KCNH8: variants seen among roughly 807,000 people sequenced by gnomAD.
KCNH8 encodes voltage-gated delayed rectifier potassium channel KCNH8.
A neutral mutation model predicts 103.6 loss-of-function variants in KCNH8; 70 were observed. That is an observed-to-expected ratio of 0.68 (90% confidence interval 0.56 to 0.82). KCNH8 has a LOEUF of 0.82. Ranked by LOEUF, KCNH8 falls within the 40% of genes least tolerant of loss-of-function variation. The pLI, the probability that KCNH8 is intolerant of heterozygous loss-of-function variation, is 0.00. For synonymous variants in KCNH8, 498 were observed against 489.4 expected, an observed-to-expected ratio of 1.02 and a Z score of -0.23; for missense variants, 1,217 against 1,329.9, an observed-to-expected ratio of 0.92 and a Z score of 1.32.
Position 19,253,791 on chromosome 3 carries a change from G to GCA in KCNH8, c.214_215insCA (p.Gly72AlafsTer9). The stretch of plus-strand genomic sequence containing the variant: ...GAGTTGTAGCTGCAAGTTCTTATTT[G>GCA]GGGTTGAAACCAATGAGCAACTGAT... On this transcript the variant is annotated frameshift_variant, in exon 2 of 16. Transcript: ENST00000328405. LOFTEE classifies it high-confidence loss of function. 1 of 1,613,778 alleles carries GCA rather than the reference G, an allele frequency of 6.2e-7. No homozygotes were observed. Among genetic ancestry groups the GCA allele is most frequent in the Non-Finnish European group, 8.5e-7 (1 of 1,179,880 alleles).
rs185473521 is a variant in KCNH8 at position 19,520,117 on chromosome 3, A to T, written c.2619+2043A>T. Reference sequence around the variant, plus strand: ...AATTATACTTTAAGTTCTGTGGTACATGTGCAGAATGTGCAGGTTTGTTAC... The same window carrying T: ...AATTATACTTTAAGTTCTGTGGTACTTGTGCAGAATGTGCAGGTTTGTTAC... On this transcript the variant is annotated intron_variant, in intron 15 of 15. Transcript: ENST00000328405. Among the ~76,000 whole-genome samples, 533 of 151,534 alleles carry T rather than the reference A, an allele frequency of 3.5e-3. 6 individuals carry two copies. Among genetic ancestry groups the T allele is most frequent in the African/African-American group, 0.012 (483 of 41,346 alleles).
intron 3 of KCNH8, among the ~76,000 whole-genome samples, chr3:19,338,359 A>T (rs945683875): frequency 6.6e-6 from 1 of 152,014 alleles, no homozygotes; most frequent in Non-Finnish European, 1.5e-5. Context: ...TTCAGATTTT[A>T]GCCCTCGGTC....
intron 5 of KCNH8, among the ~76,000 whole-genome samples, chr3:19,383,719 A>G (rs1041243559): frequency 6.6e-6 from 1 of 152,156 alleles, no homozygotes; most frequent in Non-Finnish European, 1.5e-5. Context: ...ATTAATATTT[A>G]CTTCAAATGA....
Position 19,166,528 on chromosome 3 carries a change from CCAAACTT to C in KCNH8, c.76+17738_76+17744del, listed in dbSNP as rs377697618. 5.0e-3 allele frequency among the ~76,000 whole-genome samples: 755 copies of C among 152,170 alleles called. 5 individuals are homozygous for C. Among genetic ancestry groups the C allele is most frequent in the African/African-American group, 0.016 (668 of 41,506 alleles). On this transcript the variant is annotated intron_variant, in intron 1 of 15. Coordinates refer to ENST00000328405, the MANE Select transcript of KCNH8 (RefSeq NM_144633.3). Reference sequence around the variant, plus strand: ...CCCAGCATTGTTCGTAGTACATAGTCCAAACTTCAAATATGTGTTGGATGATTGAATT... The same window carrying C: ...CCCAGCATTGTTCGTAGTACATAGTCCAAATATGTGTTGGATGATTGAATT...
In KCNH8 at chr3:19,164,159, C is replaced by T. The variant is rs557552983; in HGVS notation, c.76+15364C>T. 9.4e-4 allele frequency among the ~76,000 whole-genome samples: 143 copies of T among 152,246 alleles called. 1 individual carries two copies. Among genetic ancestry groups the T allele is most frequent in the South Asian group, 7.0e-3 (34 of 4,826 alleles). On this transcript the variant is annotated intron_variant, in intron 1 of 15. Transcript: ENST00000328405. ...TAGAAACATTGACATGCAGATGACACGTGTCTCTTTTGACCTGTCATTGCT... is the reference window on the plus strand; with the variant it reads ...TAGAAACATTGACATGCAGATGACATGTGTCTCTTTTGACCTGTCATTGCT...
At chr3:19,407,850 T>C (rs2066717526) in intron 7 of KCNH8, among the ~76,000 whole-genome samples, 1 of 152,110 alleles carries the variant, frequency 6.6e-6, no homozygotes, top group Admixed American at 6.6e-5. Flanking sequence ...CCTATTACCA[T>C]GCAGAGATCT....
At chr3:19,245,452 T>A (rs2064192080) in intron 1 of KCNH8, among the ~76,000 whole-genome samples, 1 of 152,202 alleles carries the variant, frequency 6.6e-6, no homozygotes, top group Non-Finnish European at 1.5e-5. Flanking sequence ...CTATATTTTG[T>A]TTCCATACGA....
At chr3:19,419,714 C>G (rs1167286465) in intron 7 of KCNH8, among the ~76,000 whole-genome samples, 1 of 151,646 alleles carries the variant, frequency 6.6e-6, no homozygotes, top group Non-Finnish European at 1.5e-5. Flanking sequence ...ACGAAGGCCC[C>G]CATTTTAAAA....
chr3:19,309,124 GTTGAC>G (rs889195878), intron 3 of KCNH8, among the ~76,000 whole-genome samples: 1 of 151,766 alleles, frequency 6.6e-6, no homozygotes, highest in Non-Finnish European at 1.5e-5. Flanking sequence ...AGCATGCTTG[GTTGAC>G]TTTTGATTAT....
chr3:19,445,429 T>A (rs2067349094), intron 8 of KCNH8, among the ~76,000 whole-genome samples: 1 of 151,918 alleles, frequency 6.6e-6, no homozygotes, highest in Non-Finnish European at 1.5e-5. Context: ...ATGTTTACTT[T>A]GAAAAATCTC....
rs992476831 is a variant in KCNH8, at chr3:19,361,341, A to G, written c.811+13376A>G. 2.6e-5 allele frequency among the ~76,000 whole-genome samples: 4 copies of G among 152,158 alleles called. No homozygotes were observed. In the South Asian group the frequency reaches 8.3e-4, roughly 32 times the overall value. ...CAAACAGTTGAAAGTCTTGTGGAGT[A>G]AAGGGCTATCACATTGGGTAGATTA... On this transcript the variant is annotated intron_variant, in intron 5 of 15. Transcript: ENST00000328405.
intron 3 of KCNH8, among the ~76,000 whole-genome samples, chr3:19,319,485 G>T (rs991474776): frequency 1.3e-5 from 2 of 151,698 alleles, no homozygotes; most frequent in Non-Finnish European, 3.0e-5. Flanking sequence ...AAGTATTTGG[G>T]TTTATTTCTG....
At chr3:19,184,983 T>C (rs1178555848) in intron 1 of KCNH8, among the ~76,000 whole-genome samples, 1 of 151,910 alleles carries the variant, frequency 6.6e-6, no homozygotes, top group African/African-American at 2.4e-5. Context: ...CAAATAGTAG[T>C]GCATTATATA....
At chr3:19,184,862 A>G (rs1471006246) in intron 1 of KCNH8, among the ~76,000 whole-genome samples, 1 of 151,974 alleles carries the variant, frequency 6.6e-6, no homozygotes, top group African/African-American at 2.4e-5. Context: ...TTTCATACAT[A>G]CAGAATCATA....
intron 2 of KCNH8, among the ~76,000 whole-genome samples, chr3:19,266,929 C>G (rs2064520575): frequency 6.6e-6 from 1 of 152,084 alleles, no homozygotes; most frequent in Non-Finnish European, 1.5e-5. Context: ...TTTCAATTCT[C>G]TGTCTTACAC....
At chr3:19,366,595 T>C (rs1224324192) in intron 5 of KCNH8, among the ~76,000 whole-genome samples, 2 of 152,072 alleles carry the variant, frequency 1.3e-5, no homozygotes, top group Admixed American at 6.6e-5. Flanking sequence ...AAAGGGTTTT[T>C]TTCCCTCTTA....
chr3:19,480,776 C>T (rs1338850856), intron 11 of KCNH8, among the ~76,000 whole-genome samples: 1 of 152,156 alleles, frequency 6.6e-6, no homozygotes, highest in Admixed American at 6.5e-5. Flanking sequence ...TTTTTTGTTA[C>T]AGATAGTATG....
intron 1 of KCNH8, among the ~76,000 whole-genome samples, chr3:19,224,559 CTT>C (rs34526650): frequency 2.1e-4 from 27 of 129,426 alleles, no homozygotes; most frequent in South Asian, 5.0e-4. Flanking sequence ...TTGTTTTGAA[CTT>C]TTTTTTTTTT....
chr3:19,285,717 A>C (rs75469610), intron 3 of KCNH8, among the ~76,000 whole-genome samples: 3 of 151,570 alleles, frequency 2.0e-5, no homozygotes, highest in African/African-American at 7.3e-5. Flanking sequence ...AAAAAAAAAA[A>C]TGGTAACCTA....
Sources: allele counts gnomAD v4.1 joint callset (sites outside exome capture counted in the v4.1 genomes callset), GRCh38; gene constraint gnomAD v4.1.1; transcripts MANE v1.5; gene names NCBI Gene and HGNC (gene_info 2026-07-23, HGNC 2026-07-21).